Variants in ARK2N observed in about 807,000 individuals in gnomAD.
The protein encoded by ARK2N is protein ARK2N.
chr18:46,245,582 A>AT, the ARK2N span, among the ~76,000 whole-genome samples: 19 of 151,482 alleles, frequency 1.3e-4, no homozygotes, highest in South Asian at 3.8e-3. Context: ...ATAAAAAAAA[A>AT]AAAAAAGAAA....
the ARK2N span, among the ~76,000 whole-genome samples, chr18:46,175,627 C>T: frequency 5.6e-3 from 852 of 151,966 alleles, 8 homozygotes; most frequent in African/African-American, 0.019. Flanking sequence ...CTCAGCCTCC[C>T]GAGTAGCTGG....
the ARK2N span, among the ~76,000 whole-genome samples, chr18:46,210,647 C>T: frequency 1.3e-5 from 2 of 152,114 alleles, no homozygotes; most frequent in South Asian, 4.2e-4. Context: ...TTGTGGCTCA[C>T]ACCTGTAATC....
chr18:46,217,744 G>T, the ARK2N span: 1 of 152,058 alleles, frequency 6.6e-6, no homozygotes. Flanking sequence ...ATATAAATAT[G>T]AGTCTCAAAC....
At chr18:46,218,068 T>A in the ARK2N span, 1 of 152,234 alleles carries the variant, frequency 6.6e-6, no homozygotes, top group African/African-American at 2.4e-5. Flanking sequence ...CAGGATTTTA[T>A]GTAACTACCC....
chr18:46,224,633 C>A, the ARK2N span, among the ~76,000 whole-genome samples: 2 of 152,174 alleles, frequency 1.3e-5, no homozygotes, highest in African/African-American at 4.8e-5. Context: ...TCTTATTGTT[C>A]AGCAAAGGTT....
chr18:46,178,027 T>G, the ARK2N span, among the ~76,000 whole-genome samples: 1 of 152,258 alleles, frequency 6.6e-6, no homozygotes, highest in Admixed American at 6.5e-5. Flanking sequence ...CAAGGCCACC[T>G]GGTGCTTAAG....
At chr18:46,174,529 TG>T in the ARK2N span, among the ~76,000 whole-genome samples, 1 of 152,150 alleles carries the variant, frequency 6.6e-6, no homozygotes, top group Non-Finnish European at 1.5e-5. Flanking sequence ...CGGCTGACGC[TG>T]GGGCATCGCA....
chr18:46,200,094 G>A, the ARK2N span, among the ~76,000 whole-genome samples: 1 of 142,208 alleles, frequency 7.0e-6, no homozygotes, highest in Non-Finnish European at 1.6e-5. Flanking sequence ...GTGTGTGTGC[G>A]CGCGCGTGCT....
the ARK2N span, among the ~76,000 whole-genome samples, chr18:46,235,260 C>T: frequency 3.1e-3 from 473 of 152,306 alleles, 4 homozygotes; most frequent in African/African-American, 0.011. Flanking sequence ...ACAAAAGTCA[C>T]ATTTGTGATG....
chr18:46,238,780 G>A, the ARK2N span, among the ~76,000 whole-genome samples: 1 of 152,128 alleles, frequency 6.6e-6, no homozygotes. Context: ...GTGTGTTTTT[G>A]TTCAGTGACA....
the ARK2N span, among the ~76,000 whole-genome samples, chr18:46,245,123 G>C: frequency 2.0e-4 from 31 of 151,880 alleles, no homozygotes; most frequent in African/African-American, 7.5e-4. Context: ...GTAGAGATGG[G>C]GTTTCACCAT....
At chr18:46,257,336 A>T in the ARK2N span, among the ~76,000 whole-genome samples, 4 of 151,442 alleles carry the variant, frequency 2.6e-5, no homozygotes, top group African/African-American at 4.9e-5. Flanking sequence ...TCCTTTTTTG[A>T]TAGTTATTTT....
the ARK2N span, among the ~76,000 whole-genome samples, chr18:46,191,060 T>C: frequency 6.6e-6 from 1 of 152,172 alleles, no homozygotes; most frequent in Non-Finnish European, 1.5e-5. Context: ...TTTTATCTCT[T>C]TGGGTACTGG....
At chr18:46,209,628 C>T in the ARK2N span, among the ~76,000 whole-genome samples, 1 of 152,164 alleles carries the variant, frequency 6.6e-6, no homozygotes, top group Non-Finnish European at 1.5e-5. Context: ...TGGAGTCTTG[C>T]TCTGTCACTC....
At chr18:46,223,295 C>T in the ARK2N span, among the ~76,000 whole-genome samples, 1 of 151,976 alleles carries the variant, frequency 6.6e-6, no homozygotes, top group African/African-American at 2.4e-5. Context: ...AGGGAGTTTT[C>T]GTATAAACAA....
At chr18:46,183,710 G>T in the ARK2N span, among the ~76,000 whole-genome samples, 1 of 151,808 alleles carries the variant, frequency 6.6e-6, no homozygotes, top group East Asian at 1.9e-4. Context: ...TTTTATTTTA[G>T]TCCTAATCTT....
At chr18:46,189,038 A>C in the ARK2N span, among the ~76,000 whole-genome samples, 2 of 152,052 alleles carry the variant, frequency 1.3e-5, no homozygotes. Context: ...TAAATGGTGA[A>C]ACCCCATCAC....
At chr18:46,192,907 G>A in the ARK2N span, among the ~76,000 whole-genome samples, 1 of 151,554 alleles carries the variant, frequency 6.6e-6, no homozygotes, top group Admixed American at 6.6e-5. Context: ...AAAGAATGTG[G>A]ACTCTGGGGC....
the ARK2N span, among the ~76,000 whole-genome samples, chr18:46,198,310 CAAA>C: frequency 0.013 from 867 of 69,186 alleles, 7 homozygotes; most frequent in African/African-American, 0.046. Context: ...ACTCCATCTC[CAAA>C]AAAAAAAAAA....
Sources: allele counts gnomAD v4.1 joint callset (sites outside exome capture counted in the v4.1 genomes callset), GRCh38; gene constraint gnomAD v4.1.1; transcripts MANE v1.5; gene names NCBI Gene and HGNC (gene_info 2026-07-23, HGNC 2026-07-21).